MICU1: variants seen among roughly 807,000 people sequenced by gnomAD.
MICU1 encodes mitochondrial calcium uptake 1, also known as calcium uptake protein 1, mitochondrial.
A neutral mutation model predicts 56.8 loss-of-function variants in MICU1; 45 were observed. That is an observed-to-expected ratio of 0.79 (90% CI 0.62 to 1.02). The LOEUF (loss-of-function observed/expected upper bound fraction) is 1.02, where lower values mean the gene tolerates loss of function less well. Among genes scored for constraint, MICU1 ranks in the 50% least tolerant of loss-of-function variants. MICU1 has a pLI of 0.00. For synonymous variants in MICU1, 186 were observed against 195.1 expected, an observed-to-expected ratio of 0.95 and a Z score of 0.39; for missense variants, 504 against 587.1, an observed-to-expected ratio of 0.86 and a Z score of 1.46.
rs376292554 is a variant in MICU1, at chr10:72,551,132, A to G, written c.493+47T>C. On this transcript the variant is annotated intron_variant, in intron 4 of 11. Transcript: ENST00000361114. Reference sequence around the variant, plus strand: ...TATGTAGAAAGAGACAAAGTAGCCTATAACAAAATAAATATCACAGTCTTA... The same window carrying G: ...TATGTAGAAAGAGACAAAGTAGCCTGTAACAAAATAAATATCACAGTCTTA... 9 of 1,530,754 alleles carry G rather than the reference A, an allele frequency of 5.9e-6. No individual in the cohort carries two copies. In the African/African-American group the frequency reaches 8.3e-5, roughly 14 times the overall value. 94.8% of individuals were successfully genotyped at this position (1,530,754 alleles called of 1,614,324 possible).
At chr10:72,413,121 C>A (rs575352240) in intron 9 of MICU1, among the ~76,000 whole-genome samples, 2 of 151,588 alleles carry the variant, frequency 1.3e-5, no homozygotes, top group South Asian at 4.2e-4. Flanking sequence ...TGCATGAACC[C>A]AGGAGGTGGA....
At position 72,368,247 on chromosome 10, in the gene MICU1, A is replaced by G. The variant is rs1862210807; in HGVS notation, c.1379T>C (p.Met460Thr). The G allele has an allele frequency of 6.2e-7, 1 of 1,613,834 alleles. No homozygotes were observed. The highest frequency in any genetic ancestry group is 1.7e-5 in the Admixed American group (1 of 59,998). Residue 460 changes from methionine to threonine, a missense_variant, in exon 12 of 12, where the codon ATG (methionine) becomes ACG (threonine). Transcript: ENST00000361114. ...GGCAGTTTCCTGTGCACATTTCCAC[A>G]TGGCCTGCATGAGGCGAGTGAAACC... ...DMGFTRLMQA[M>T]WKCAQETAWD...
chr10:72,487,210 C>A (rs556927608), intron 6 of MICU1, among the ~76,000 whole-genome samples: 1 of 152,216 alleles, frequency 6.6e-6, no homozygotes, highest in East Asian at 1.9e-4. Context: ...CTTGTTGGTG[C>A]CCTGACTGAA....
intron 8 of MICU1, among the ~76,000 whole-genome samples, chr10:72,460,244 C>G (rs368716646): frequency 2.0e-5 from 3 of 152,152 alleles, no homozygotes; most frequent in Non-Finnish European, 4.4e-5. Flanking sequence ...TTCCTTCCTT[C>G]TTTGCATTGG....
chr10:72,524,326 C>T (rs1006663098), intron 5 of MICU1, among the ~76,000 whole-genome samples: 3 of 152,116 alleles, frequency 2.0e-5, no homozygotes, highest in African/African-American at 7.2e-5. Flanking sequence ...GTCTTGAACT[C>T]CCGGTTGCTC....
chr10:72,445,519 G>A (rs1351578838), intron 8 of MICU1, among the ~76,000 whole-genome samples: 3 of 152,156 alleles, frequency 2.0e-5, no homozygotes, highest in African/African-American at 4.8e-5. Flanking sequence ...CTTTCATTTA[G>A]TCTTCACTCA....
At chr10:72,490,855 C>T (rs1306175533) in intron 6 of MICU1, among the ~76,000 whole-genome samples, 1 of 152,196 alleles carries the variant, frequency 6.6e-6, no homozygotes, top group East Asian at 1.9e-4. Context: ...TAGGAGGCAG[C>T]GAGTTTAATC....
rs779404214 is a variant in MICU1, at chr10:72,566,732, T to C, written c.62A>G (p.His21Arg). The C allele has an allele frequency of 3.1e-6, 5 of 1,612,964 alleles. No homozygotes were observed. Among genetic ancestry groups the C allele is most frequent in the Admixed American group, 3.3e-5 (2 of 59,854 alleles). The change falls in exon 2 of 12, where the codon CAT becomes CGT. Residue 21 changes from histidine (H) to arginine (R), a missense_variant. Transcript: ENST00000361114. The part of the protein sequence containing the change: ...AELAVGSRWY[H>R]GGSQPIQIRR... ...GATCTGGATGGGCTGTGATCCTCCA[T>C]GGTACCATCGAGAACCCACAGCCAG...
chr10:72,501,742 G>A (rs1180187674), intron 6 of MICU1: 3 of 152,122 alleles, frequency 2.0e-5, no homozygotes, highest in African/African-American at 7.2e-5. Context: ...CCCATTACCC[G>A]AATCACATAC....
intron 1 of MICU1, among the ~76,000 whole-genome samples, chr10:72,602,464 T>A (rs1841565949): frequency 6.6e-6 from 1 of 151,598 alleles, no homozygotes; most frequent in African/African-American, 2.4e-5. Context: ...AAAAAAAAAA[T>A]TCATACAACC....
chr10:72,397,411 G>A (rs1013517203), intron 10 of MICU1, among the ~76,000 whole-genome samples: 5 of 152,150 alleles, frequency 3.3e-5, no homozygotes, highest in African/African-American at 9.7e-5. Context: ...CATAATGACA[G>A]AATCAAATTC....
chr10:72,517,785 T>C (rs1242994258), intron 5 of MICU1, among the ~76,000 whole-genome samples: 2 of 151,558 alleles, frequency 1.3e-5, no homozygotes, highest in African/African-American at 4.9e-5. Context: ...ATAAAACTTT[T>C]TTTTTTTTTT....
intron 11 of MICU1, among the ~76,000 whole-genome samples, chr10:72,373,915 A>G (rs182048662): frequency 7.9e-5 from 12 of 152,326 alleles, no homozygotes; most frequent in African/African-American, 2.9e-4. Flanking sequence ...TATTTGTGCT[A>G]TTCAATACAG....
chr10:72,616,446 G>T (rs1841981457), intron 1 of MICU1, among the ~76,000 whole-genome samples: 1 of 151,946 alleles, frequency 6.6e-6, no homozygotes, highest in Non-Finnish European at 1.5e-5. Context: ...AATTAGCCAG[G>T]CATGGTGGTG....
intron 5 of MICU1, among the ~76,000 whole-genome samples, chr10:72,529,383 A>G (rs1397321779): frequency 6.6e-6 from 1 of 152,234 alleles, no homozygotes; most frequent in South Asian, 2.1e-4. Flanking sequence ...GTATGATGAT[A>G]ATGAACAATT....
At chr10:72,619,196 G>A in intron 1 of MICU1, among the ~76,000 whole-genome samples, 1 of 152,192 alleles carries the variant, frequency 6.6e-6, no homozygotes, top group Non-Finnish European at 1.5e-5. Flanking sequence ...TGTAATCCCA[G>A]CACTTTGGGA....
In MICU1 at chr10:72,496,592, G is replaced by A. The variant is rs149592197; in HGVS notation, c.652+11563C>T. Among the ~76,000 whole-genome samples, 433 of 152,250 alleles carry A rather than the reference G, an allele frequency of 2.8e-3. 2 individuals are homozygous for A. Among genetic ancestry groups the A allele is most frequent in the African/African-American group, 0.01 (419 of 41,554 alleles). ...GCTGAGATTATAGGCATGGGCCACC[G>A]TGCCTGACTGCCCAGCTAATTTTTG... is the stretch of plus-strand genomic sequence containing the variant. On this transcript the variant is annotated intron_variant, in intron 6 of 11. Transcript: ENST00000361114.
At chr10:72,436,167 G>A (rs1248816086) in intron 8 of MICU1, among the ~76,000 whole-genome samples, 1 of 152,156 alleles carries the variant, frequency 6.6e-6, no homozygotes, top group Non-Finnish European at 1.5e-5. Context: ...ATAGGCGGCT[G>A]CCCCTCTGGA....
At chr10:72,590,972 G>A (rs1314676540) in intron 1 of MICU1, among the ~76,000 whole-genome samples, 1 of 151,420 alleles carries the variant, frequency 6.6e-6, no homozygotes, top group African/African-American at 2.4e-5. Flanking sequence ...ACATTTACCA[G>A]AATGAGCTAA....
Sources: gnomAD v4.1 joint callset for allele counts (sites outside exome capture counted in the v4.1 genomes callset) on GRCh38, gnomAD v4.1.1 for gene constraint, MANE v1.5 for transcripts, NCBI Gene and HGNC (gene_info 2026-07-23, HGNC 2026-07-21) for gene names.